The following MCM3 variants were observed in gnomAD, a reference collection of about 807,000 sequenced individuals.
MCM3 encodes DNA replication licensing factor MCM3.
Under a neutral mutation model 91.3 loss-of-function variants are expected in MCM3, and 59 were observed. The ratio of observed to expected loss-of-function variants is 0.65; its 90% confidence interval spans 0.52 to 0.80. The LOEUF (loss-of-function observed/expected upper bound fraction) is 0.80. Among genes scored for constraint, MCM3 ranks in the 30% least tolerant of loss-of-function variants. The pLI is 0.00. For missense variants in MCM3, 919 were observed against 1,035.4 expected, an observed-to-expected ratio of 0.89 and a Z score of 1.54; for synonymous variants, 383 against 379.6, an observed-to-expected ratio of 1.01 and a Z score of -0.10.
intron 14 of MCM3, among the ~76,000 whole-genome samples, chr6:52,267,425 G>A (rs1424988489): frequency 1.3e-5 from 2 of 151,298 alleles, no homozygotes; most frequent in African/African-American, 2.4e-5. Context: ...CTCAAACCCC[G>A]CAGGTCTAGG....
At position 52,276,605 on chromosome 6, in the gene MCM3, C is replaced by T. The variant is rs1212692327; in HGVS notation, c.1166-129G>A. On this transcript the variant is annotated intron_variant, in intron 8 of 16. Transcript: ENST00000596288. ...GAATGCGGCAATGGTGTGTTGGCTC[C>T]GAGAAACTTAGAGGAAACCCTGGTG... 4.7e-5 allele frequency: 36 copies of T among 768,424 alleles called. No individual in the cohort carries two copies. The East Asian group carries it at 6.0e-4, about 13-fold the overall frequency. The allele number at this position is 768,424 out of a possible 1,614,324, so 47.6% of individuals were successfully genotyped here. A position where few individuals can be genotyped will look rare whatever the true frequency, so the allele number is the denominator to read the frequency against.
intron 7 of MCM3, 147 bp from the exon 8 acceptor site, chr6:52,277,345 C>A: frequency 3.1e-6 from 3 of 974,174 alleles, no homozygotes; most frequent in African/African-American, 3.3e-5. Flanking sequence ...TCACCACTCA[C>A]GGAAGAATAT....
intron 9 of MCM3, among the ~76,000 whole-genome samples, chr6:52,274,493 A>G (rs935231017): frequency 6.6e-6 from 1 of 152,118 alleles, no homozygotes; most frequent in East Asian, 1.9e-4. Context: ...CAGCCTGGGC[A>G]ACATGCAAAA....
chr6:52,282,107 G>C lies in MCM3; in HGVS notation c.469C>G (p.Arg157Gly). The C allele has an allele frequency of 1.9e-6, 3 of 1,613,940 alleles. No homozygotes were observed. The highest frequency in any genetic ancestry group is 2.5e-6 in the Non-Finnish European group (3 of 1,179,846). ...AGGGTGGTGAGATCAGAATAACGTC[G>C]CTCTATGGTCTTCTTAGTAGCAGGA... Reference protein sequence around the residue: ...YCPATKKTIERRYSDLTTLVA... With the variant: ...YCPATKKTIEGRYSDLTTLVA... The change falls in exon 4 of 17, where the codon CGA becomes GGA. Residue 157 changes from arginine (R) to glycine (G), a missense_variant. Around this residue, in one of 3 missense-constraint regions of MCM3, gnomAD observed 401 missense variants for 402.7 expected, o/e 1.00. Transcript: ENST00000596288.
Position 52,273,290 on chromosome 6 carries a change from TG to T in MCM3, c.1615del (p.Gln539SerfsTer25). 1 of 1,614,232 alleles carries T rather than the reference TG, an allele frequency of 6.2e-7. No homozygotes were observed. The highest frequency in any genetic ancestry group is 8.5e-7 in the Non-Finnish European group (1 of 1,180,030). ...CTTCTCATAAATCTGGGTGTCCTGC[TG>T]ATCTTCCTGGCTAAAGTTGGGATCA... ...TDDPNFSQED[Q>X]QDTQIYEKHD... On this transcript the variant is annotated frameshift_variant, in exon 11 of 17. Coordinates refer to ENST00000596288, the MANE Select transcript of MCM3 (RefSeq NM_002388.6). LOFTEE classifies it high-confidence loss of function.
At chr6:52,277,723 G>A (rs1765710249) in intron 6 of MCM3, 35 bp from the exon 7 acceptor site, 2 of 1,599,646 alleles carry the variant, frequency 1.3e-6, no homozygotes, top group South Asian at 1.1e-5. Context: ...AGCCTAGTGA[G>A]ATTCAATGGG....
intron 1 of MCM3, 101 bp downstream of exon 1, chr6:52,284,496 C>A: frequency 1.9e-6 from 2 of 1,064,836 alleles, no homozygotes; most frequent in South Asian, 3.1e-5. Context: ...GGCTCCGCTG[C>A]GGCACACGGT....
chr6:52,273,128 T>C, intron 11 of MCM3, 102 bp downstream of exon 11: 2 of 1,402,260 alleles, frequency 1.4e-6, no homozygotes, highest in Non-Finnish European at 2.0e-6. Context: ...AGGCATGGCT[T>C]TGACCTGGGC....
chr6:52,282,603 C>T (rs758325207), intron 3 of MCM3, 50 bp downstream of exon 3: 5 of 1,569,156 alleles, frequency 3.2e-6, no homozygotes, highest in Non-Finnish European at 4.4e-6. Flanking sequence ...CCTGCTTTCC[C>T]CATCTCCCTG....
At chr6:52,269,333 C>A in intron 12 of MCM3, 107 bp from the exon 13 acceptor site, 1 of 1,082,314 alleles carries the variant, frequency 9.2e-7, no homozygotes, top group Non-Finnish European at 1.3e-6. Flanking sequence ...CCAGGAGGCC[C>A]AAGCAAAGAA....
rs1764475487 is a variant in MCM3, at chr6:52,264,428, G to A, written c.*160C>T. On this transcript the variant is annotated 3_prime_UTR_variant, in exon 17 of 17. Coordinates refer to ENST00000596288, the MANE Select transcript of MCM3 (RefSeq NM_002388.6). ...AGCTTTCATGACCCATTCCCAAAGG[G>A]TCCACCGAGTCCTGAACTCAGCTTC... 1 of 714,460 alleles carries A rather than the reference G, an allele frequency of 1.4e-6. No homozygotes were observed. Among genetic ancestry groups the A allele is most frequent in the African/African-American group, 1.8e-5 (1 of 56,366 alleles). 44.3% of individuals were successfully genotyped at this position (714,460 alleles called of 1,614,324 possible).
chr6:52,264,706 T>C lies in MCM3; in HGVS notation c.2309A>G (p.Glu770Gly). 2 of 1,614,198 alleles carry C rather than the reference T, an allele frequency of 1.2e-6. No individual in the cohort carries two copies. Among genetic ancestry groups the C allele is most frequent in the South Asian group, 2.2e-5 (2 of 91,080 alleles). The change falls in exon 17 of 17, where the codon GAA becomes GGA. Residue 770 changes from glutamate to glycine, a missense_variant. Glu to Gly is a moderately conservative substitution (Grantham distance 98). Transcript: ENST00000596288. Reference sequence around the variant, plus strand: ...CTCTTCGCTGTCCCGGTTGATGGATTCTGTGAGGCGATTCATGCCGATTGA... The same window carrying C: ...CTCTTCGCTGTCCCGGTTGATGGATCCTGTGAGGCGATTCATGCCGATTGA... ...AQSIGMNRLT[E>G]SINRDSEEPF...
chr6:52,267,739 T>A, intron 14 of MCM3, 126 bp downstream of exon 14: 2 of 671,992 alleles, frequency 3.0e-6, no homozygotes, highest in Non-Finnish European at 5.5e-6. Flanking sequence ...TTTCCCAGGC[T>A]GGTCTCAAAC....
intron 12 of MCM3, among the ~76,000 whole-genome samples, chr6:52,272,050 CTA>C (rs1345338181): frequency 1.3e-5 from 2 of 152,138 alleles, no homozygotes; most frequent in Non-Finnish European, 2.9e-5. Context: ...GAAGTCACTC[CTA>C]TGTTTGCTGA....
At chr6:52,267,732 C>T (rs772804154) in intron 14 of MCM3, 133 bp downstream of exon 14, 8 of 661,244 alleles carry the variant, frequency 1.2e-5, no homozygotes, top group Admixed American at 2.3e-5. Flanking sequence ...TGCCATATTT[C>T]CCAGGCTGGT....
chr6:52,266,206 A>G, intron 15 of MCM3, 62 bp from the exon 16 acceptor site: 3 of 1,241,742 alleles, frequency 2.4e-6, no homozygotes, highest in Non-Finnish European at 3.6e-6. Flanking sequence ...ATTTCCACAA[A>G]CACTAGAGAA....
rs140739013 is a variant in MCM3, at chr6:52,264,735, C to T, written c.2280G>A (p.Ala760=). The T allele has an allele frequency of 4.6e-5, 75 of 1,614,160 alleles. No homozygotes were observed. The highest frequency in any genetic ancestry group is 5.5e-5 in the Non-Finnish European group (65 of 1,180,044). Residue 760 remains alanine (A), a synonymous_variant, in exon 17 of 17, where the codon GCG becomes GCA. Transcript: ENST00000596288. ...TGAGGCGATTCATGCCGATTGACTGCGCATGAGCTTCCCGGAACACATCCA... is the reference window on the plus strand; with the variant it reads ...TGAGGCGATTCATGCCGATTGACTGTGCATGAGCTTCCCGGAACACATCCA... ...ALLDVFREAH[A]QSIGMNRLTE... is the part of the protein sequence containing the mutation.
intron 12 of MCM3, 102 bp from the exon 13 acceptor site, chr6:52,269,328 A>G (rs2128276606): frequency 8.6e-7 from 1 of 1,163,110 alleles, no homozygotes. Flanking sequence ...AAGCCCCAGG[A>G]GGCCCAAGCA....
intron 14 of MCM3, among the ~76,000 whole-genome samples, chr6:52,267,073 TTC>T (rs1421576566): frequency 6.6e-6 from 1 of 150,920 alleles, no homozygotes; most frequent in African/African-American, 2.5e-5. Context: ...CTCGCTCTCC[TTC>T]TCTTTTACCC....
Sources: gnomAD v4.1 joint callset for allele counts (sites outside exome capture counted in the v4.1 genomes callset) on GRCh38, gnomAD v4.1.1 for gene constraint, gnomAD v4.1.1 regional missense constraint, MANE v1.5 for transcripts, NCBI Gene and HGNC (gene_info 2026-07-23, HGNC 2026-07-21) for gene names.